Variants in CADM2 observed in about 807,000 individuals in gnomAD.
CADM2 encodes cell adhesion molecule 2, also known as immunoglobulin superfamily member 4D.
A neutral mutation model predicts 49.8 loss-of-function variants in CADM2; 12 were observed. The ratio of observed to expected loss-of-function variants is 0.24; its 90% CI spans 0.15 to 0.39. The LOEUF (loss-of-function observed/expected upper bound fraction) is 0.39. Ranked by LOEUF, CADM2 falls within the 10% of genes least tolerant of loss-of-function variation. The pLI is 1.00. For missense variants in CADM2, 378 were observed against 492.3 expected (o/e 0.77, Z 2.20); for synonymous variants, 214 against 175.4 (o/e 1.22, Z -1.74).
chr3:85,346,309 A>T (rs2030638936), intron 1 of CADM2, among the ~76,000 whole-genome samples: 1 of 152,230 alleles, frequency 6.6e-6, no homozygotes, highest in African/African-American at 2.4e-5. Flanking sequence ...AAAATGAAGT[A>T]GACAAATAGA....
chr3:85,608,288 A>G (rs2063588731), intron 1 of CADM2, among the ~76,000 whole-genome samples: 1 of 152,138 alleles, frequency 6.6e-6, no homozygotes, highest in Non-Finnish European at 1.5e-5. Context: ...GACTTGAAGG[A>G]ATATTCTCTT....
chr3:85,405,096 A>G (rs764522896), intron 1 of CADM2, among the ~76,000 whole-genome samples: 3 of 152,156 alleles, frequency 2.0e-5, no homozygotes, highest in Non-Finnish European at 4.4e-5. Context: ...CAGTATTTAA[A>G]TGCATAATAC....
chr3:85,869,598 C>T (rs906965410), intron 3 of CADM2, among the ~76,000 whole-genome samples: 3 of 151,988 alleles, frequency 2.0e-5, no homozygotes, highest in Non-Finnish European at 2.9e-5. Flanking sequence ...AACCACCATG[C>T]TCGTGATTCA....
At chr3:85,404,943 C>T (rs1373072933) in intron 1 of CADM2, among the ~76,000 whole-genome samples, 1 of 152,052 alleles carries the variant, frequency 6.6e-6, no homozygotes, top group Admixed American at 6.6e-5. Flanking sequence ...ATAGACCTTC[C>T]TATTTTACAG....
At chr3:85,297,676 A>C (rs561233559) in intron 1 of CADM2, among the ~76,000 whole-genome samples, 1 of 152,066 alleles carries the variant, frequency 6.6e-6, no homozygotes, top group Admixed American at 6.6e-5. Context: ...CCTACCCTCT[A>C]ACCCCACAAT....
intron 1 of CADM2, among the ~76,000 whole-genome samples, chr3:85,578,867 C>T (rs1191571234): frequency 6.6e-6 from 1 of 152,138 alleles, no homozygotes; most frequent in African/African-American, 2.4e-5. Context: ...GAGTCATTCA[C>T]ACACTCCCAT....
intron 1 of CADM2, among the ~76,000 whole-genome samples, chr3:85,629,169 T>C (rs2064226974): frequency 6.6e-6 from 1 of 151,806 alleles, no homozygotes. Flanking sequence ...TTAAGTAATA[T>C]TTTAAAGTAT....
rs1577484749 is a variant in CADM2, at chr3:85,855,684, T to TGG, written c.239-27606_239-27605dup. ...CACTGTTGCCTAGGCTGGAGTGCAGTGGCATTATCTCAGCTCACTGCAAGC... is the reference window on the plus strand; with the variant it reads ...CACTGTTGCCTAGGCTGGAGTGCAGTGGGGCATTATCTCAGCTCACTGCAAGC... On this transcript the variant is annotated intron_variant, in intron 3 of 9. Coordinates refer to ENST00000383699, the MANE Select transcript of CADM2 (RefSeq NM_001167675.2). Among the ~76,000 whole-genome samples the TGG allele has an allele frequency of 2.7e-5, 4 of 149,788 alleles. No homozygotes were observed. In the East Asian group the frequency reaches 7.8e-4, roughly 29 times the overall value.
In CADM2 at chr3:85,298,447, A is replaced by T. The variant is rs9877705; in HGVS notation, c.61+338779A>T. Among the ~76,000 whole-genome samples the T allele has an allele frequency of 4.8e-3, 727 of 152,188 alleles. 4 individuals are homozygous for T. The highest frequency in any genetic ancestry group is 0.027 in the Middle Eastern group (8 of 294). On this transcript the variant is annotated intron_variant, in intron 1 of 9. Transcript: ENST00000383699. Reference sequence around the variant, plus strand: ...CCACATAAATATGTGTTATCCCTTCATTGAAAATGCATGTATACTTAGTGA... The same window carrying T: ...CCACATAAATATGTGTTATCCCTTCTTTGAAAATGCATGTATACTTAGTGA...
chr3:85,719,714 T>C (rs1026260387), intron 1 of CADM2, among the ~76,000 whole-genome samples: 2 of 151,400 alleles, frequency 1.3e-5, no homozygotes, highest in Non-Finnish European at 2.9e-5. Context: ...GGAGAAAATT[T>C]GCTTGTAAGT....
intron 1 of CADM2, among the ~76,000 whole-genome samples, chr3:84,997,415 G>A (rs1324519423): frequency 6.6e-6 from 1 of 151,886 alleles, no homozygotes; most frequent in Non-Finnish European, 1.5e-5. Flanking sequence ...TTCATAGAAA[G>A]AATTATGTTT....
chr3:85,517,372 A>G (rs2060929581), intron 1 of CADM2, among the ~76,000 whole-genome samples: 2 of 152,112 alleles, frequency 1.3e-5, no homozygotes, highest in Admixed American at 6.6e-5. Flanking sequence ...AGTACTAAGA[A>G]ATTATTTTGA....
At chr3:85,513,931 T>C (rs2060834132) in intron 1 of CADM2, among the ~76,000 whole-genome samples, 2 of 152,060 alleles carry the variant, frequency 1.3e-5, no homozygotes, top group South Asian at 4.1e-4. Flanking sequence ...AAGAATGTTA[T>C]TGTTATTTGA....
chr3:85,403,670 C>A (rs1172231898), intron 1 of CADM2, among the ~76,000 whole-genome samples: 4 of 152,110 alleles, frequency 2.6e-5, no homozygotes, highest in African/African-American at 9.7e-5. Context: ...TTAGAGCATT[C>A]AACTCATATA....
At chr3:85,997,463 A>AACT (rs1729570319) in intron 8 of CADM2, among the ~76,000 whole-genome samples, 1 of 152,136 alleles carries the variant, frequency 6.6e-6, no homozygotes, top group South Asian at 2.1e-4. Context: ...CTTTTCCTTG[A>AACT]ACTACTACTG....
intron 2 of CADM2, among the ~76,000 whole-genome samples, chr3:85,764,896 A>G (rs955601467): frequency 2.6e-5 from 4 of 152,088 alleles, no homozygotes; most frequent in African/African-American, 4.8e-5. Context: ...CGGGGAAGTT[A>G]AGTGATTTAC....
intron 2 of CADM2, among the ~76,000 whole-genome samples, chr3:85,752,942 A>C (rs2068932961): frequency 6.6e-6 from 1 of 152,148 alleles, no homozygotes; most frequent in Non-Finnish European, 1.5e-5. Flanking sequence ...AAAAAATACT[A>C]AGGAGGCTTC....
intron 1 of CADM2, among the ~76,000 whole-genome samples, chr3:85,637,769 G>A (rs2064560656): frequency 6.6e-6 from 1 of 151,918 alleles, no homozygotes; most frequent in African/African-American, 2.4e-5. Flanking sequence ...TCAAATGCTC[G>A]TCTTCTTATT....
At chr3:85,051,797 T>A (rs1032288733) in intron 1 of CADM2, among the ~76,000 whole-genome samples, 1 of 152,182 alleles carries the variant, frequency 6.6e-6, no homozygotes, top group Non-Finnish European at 1.5e-5. Flanking sequence ...TTTGATATCA[T>A]TATTTAAAAG....
Sources: gnomAD v4.1 joint callset for allele counts (sites outside exome capture counted in the v4.1 genomes callset) on GRCh38, gnomAD v4.1.1 for gene constraint, MANE v1.5 for transcripts, NCBI Gene and HGNC (gene_info 2026-07-23, HGNC 2026-07-21) for gene names.